GALK2: variants seen among roughly 807,000 people sequenced by gnomAD.
GALK2 encodes the protein N-acetylgalactosamine kinase.
Under a neutral mutation model 52.4 loss-of-function variants are expected in GALK2, and 36 were observed. The observed-to-expected ratio is 0.69, with a 90% confidence interval of 0.53 to 0.91. The LOEUF (loss-of-function observed/expected upper bound fraction) is 0.91. Among genes scored for constraint, GALK2 ranks in the 40% least tolerant of loss-of-function variants. GALK2 has a pLI of 0.00. For missense variants in GALK2, 579 were observed against 559.1 expected, an observed-to-expected ratio of 1.04 and a Z score of -0.36; for synonymous variants, 176 against 199.1, an observed-to-expected ratio of 0.88 and a Z score of 0.98.
At position 49,292,655 on chromosome 15, in the gene GALK2, A is replaced by G. The variant is rs1205859805; in HGVS notation, c.967+118A>G. 4 of 764,580 alleles carry G rather than the reference A, an allele frequency of 5.2e-6. No individual in the cohort carries two copies. The East Asian group carries it at 1.1e-4, about 20-fold the overall frequency. 47.4% of individuals were successfully genotyped at this position (764,580 alleles called of 1,614,324 possible). A position where few individuals can be genotyped will look rare whatever the true frequency, so the allele number is the denominator to read the frequency against. ...GGAATTTGGAGACTGTGTTTTGGCAAGCTTAATTATTTAGAATCTTAGCTT... is the reference window on the plus strand; with the variant it reads ...GGAATTTGGAGACTGTGTTTTGGCAGGCTTAATTATTTAGAATCTTAGCTT... On this transcript the variant is annotated intron_variant, in intron 8 of 9. Coordinates refer to ENST00000560031, the MANE Select transcript of GALK2 (RefSeq NM_002044.4).
intron 2 of GALK2, among the ~76,000 whole-genome samples, chr15:49,212,522 G>A (rs1221273930): frequency 1.3e-5 from 2 of 151,696 alleles, no homozygotes; most frequent in Admixed American, 6.6e-5. Flanking sequence ...GCTCTGATCC[G>A]AATTCTTTTC....
chr15:49,224,110 T>C (rs1279781368), intron 3 of GALK2, among the ~76,000 whole-genome samples: 3 of 152,156 alleles, frequency 2.0e-5, no homozygotes, highest in African/African-American at 7.2e-5. Flanking sequence ...TGGTATCTCA[T>C]TGTGGTTTTG....
intron 5 of GALK2, among the ~76,000 whole-genome samples, chr15:49,255,639 A>G (rs1269976939): frequency 1.8e-4 from 19 of 105,744 alleles, no homozygotes; most frequent in Non-Finnish European, 3.7e-4. Context: ...AACATTATTT[A>G]ATACACAGAG....
intron 5 of GALK2, among the ~76,000 whole-genome samples, chr15:49,270,200 T>G (rs929077396): frequency 6.6e-6 from 1 of 152,222 alleles, no homozygotes; most frequent in Non-Finnish European, 1.5e-5. Context: ...AAATTAGAAG[T>G]AGAAAACTAG....
rs775068164 is a variant in GALK2 at position 49,328,052 on chromosome 15, G to A, written c.1270G>A (p.Val424Met). ...ADKLPSFLANVHKAYYQRSDG... is the reference protein window; with the variant it reads ...ADKLPSFLANMHKAYYQRSDG... ...CAAGCTGCCCAGCTTTCTAGCAAAT[G>A]TGCACAAAGCTTATTACCAGAGGAG... The change falls in exon 10 of 10, where the codon GTG (valine) becomes ATG (methionine). Residue 424 changes from valine (V) to methionine (M), a missense_variant. Coordinates refer to ENST00000560031, the MANE Select transcript of GALK2 (RefSeq NM_002044.4). 12 of 1,614,064 alleles carry A rather than the reference G, an allele frequency of 7.4e-6. No individual in the cohort carries two copies. In the South Asian group the frequency reaches 1.2e-4, roughly 16 times the overall value.
chr15:49,195,470 T>C (rs1356837871), intron 1 of GALK2, among the ~76,000 whole-genome samples: 3 of 152,246 alleles, frequency 2.0e-5, no homozygotes, highest in African/African-American at 7.2e-5. Flanking sequence ...TTAGTGTTTT[T>C]TGGTGCTAAC....
At chr15:49,315,116 T>C (rs1177497903) in intron 8 of GALK2, among the ~76,000 whole-genome samples, 3 of 151,496 alleles carry the variant, frequency 2.0e-5, no homozygotes, top group Non-Finnish European at 4.4e-5. Flanking sequence ...ATTTCATGAC[T>C]AGATTCAGTA....
At chr15:49,202,355 A>G (rs1465869363) in intron 2 of GALK2, among the ~76,000 whole-genome samples, 6 of 151,890 alleles carry the variant, frequency 4.0e-5, no homozygotes, top group African/African-American at 9.7e-5. Flanking sequence ...TGCCCTCACT[A>G]CATGTTATCC....
chr15:49,243,285 C>T (rs143119885), intron 5 of GALK2, among the ~76,000 whole-genome samples: 38 of 152,194 alleles, frequency 2.5e-4, no homozygotes, highest in African/African-American at 8.7e-4. Flanking sequence ...AAAGGCAGGA[C>T]GAGAAAGACT....
chr15:49,255,933 A>G (rs2091798390), intron 5 of GALK2, among the ~76,000 whole-genome samples: 1 of 152,126 alleles, frequency 6.6e-6, no homozygotes, highest in South Asian at 2.1e-4. Flanking sequence ...CATGTTCTTC[A>G]TTGTTTTGTT....
chr15:49,293,886 G>A (rs2034185590), intron 8 of GALK2, among the ~76,000 whole-genome samples: 1 of 151,908 alleles, frequency 6.6e-6, no homozygotes, highest in African/African-American at 2.4e-5. Flanking sequence ...GATCACTTGA[G>A]GCCAGGAGTT....
At chr15:49,243,371 G>A (rs2091191819) in intron 5 of GALK2, among the ~76,000 whole-genome samples, 1 of 151,958 alleles carries the variant, frequency 6.6e-6, no homozygotes. Flanking sequence ...GTCATTACTG[G>A]CACACTGGCA....
intron 5 of GALK2, among the ~76,000 whole-genome samples, chr15:49,253,724 T>C (rs2091703143): frequency 6.9e-6 from 1 of 144,198 alleles, no homozygotes; most frequent in Non-Finnish European, 1.6e-5. Flanking sequence ...AGCCTAGCTA[T>C]AGGAGTGTTT....
intron 5 of GALK2, among the ~76,000 whole-genome samples, chr15:49,270,951 A>T (rs2141688901): frequency 6.6e-6 from 1 of 152,292 alleles, no homozygotes; most frequent in South Asian, 2.1e-4. Context: ...CAAGAGTGGG[A>T]CAGGACTGTT....
rs767327151 is a variant in GALK2, at chr15:49,331,813, C to T, written c.*3654C>T. 3.1e-6 allele frequency: 5 copies of T among 1,611,584 alleles called. No individual in the cohort carries two copies. The highest frequency in any genetic ancestry group is 4.2e-6 in the Non-Finnish European group (5 of 1,177,920). ...GTAGGAACTTCTCAAAGTCCTGTTT[C>T]ACTTCATGAGGTTTCTTGGTAGCCT... On this transcript the variant is annotated 3_prime_UTR_variant, in exon 10 of 10. Transcript: ENST00000560031.
intron 5 of GALK2, among the ~76,000 whole-genome samples, chr15:49,266,424 T>A (rs2092363525): frequency 6.6e-6 from 1 of 152,186 alleles, no homozygotes; most frequent in Non-Finnish European, 1.5e-5. Flanking sequence ...TCTAATATAA[T>A]GGAGCTGGGT....
At chr15:49,365,665 CAT>C (rs2045030211) in intron 3 of GALK2, 1 of 1,050,372 alleles carries the variant, frequency 9.5e-7, no homozygotes, top group Non-Finnish European at 1.5e-6. Context: ...AAGTATCACA[CAT>C]GACTTGAAGC....
At chr15:49,322,372 G>T (rs2036946560) in intron 9 of GALK2, among the ~76,000 whole-genome samples, 2 of 152,144 alleles carry the variant, frequency 1.3e-5, no homozygotes, top group African/African-American at 4.8e-5. Flanking sequence ...CATATTGAAA[G>T]ATTATCTTCT....
At chr15:49,269,132 G>A (rs1162808797) in intron 5 of GALK2, among the ~76,000 whole-genome samples, 1 of 152,168 alleles carries the variant, frequency 6.6e-6, no homozygotes, top group African/African-American at 2.4e-5. Flanking sequence ...TTGCCTTATG[G>A]ATTAGAGTGT....
Sources: gnomAD v4.1 joint callset for allele counts (sites outside exome capture counted in the v4.1 genomes callset) on GRCh38, gnomAD v4.1.1 for gene constraint, MANE v1.5 for transcripts, NCBI Gene and HGNC (gene_info 2026-07-23, HGNC 2026-07-21) for gene names.